The following AMPH variants were observed in gnomAD, a reference collection of about 807,000 sequenced individuals.
AMPH encodes amphiphysin (Stiff-Mann syndrome with breast cancer 128kD autoantigen).
Under a neutral mutation model 99.1 loss-of-function variants are expected in AMPH, and 49 were observed. The ratio of observed to expected loss-of-function variants is 0.49; its 90% CI spans 0.39 to 0.63. AMPH has a LOEUF of 0.63. AMPH is among the 20% of genes least tolerant of loss of function. The probability of loss-of-function intolerance (pLI) is 0.00; values close to 1 mark genes in which losing one functional copy is unlikely to be tolerated. For synonymous variants in AMPH, 314 were observed against 317.3 expected, an observed-to-expected ratio of 0.99 and a Z score of 0.11; for missense variants, 759 against 863.4, an observed-to-expected ratio of 0.88 and a Z score of 1.52.
At chr7:38,423,246 T>C (rs1199420300) in intron 15 of AMPH, among the ~76,000 whole-genome samples, 2 of 152,226 alleles carry the variant, frequency 1.3e-5, no homozygotes, top group Non-Finnish European at 2.9e-5. Flanking sequence ...TTTCATAAAA[T>C]ATGTTCATTG....
chr7:38,606,213 G>A (rs941556824), intron 1 of AMPH, among the ~76,000 whole-genome samples: 3 of 152,070 alleles, frequency 2.0e-5, no homozygotes, highest in African/African-American at 4.8e-5. Context: ...AAAAATTGTG[G>A]TGAGATTCAA....
intron 17 of AMPH, among the ~76,000 whole-genome samples, chr7:38,405,140 T>A (rs142085082): frequency 1.3e-5 from 2 of 152,222 alleles, no homozygotes; most frequent in Non-Finnish European, 1.5e-5. Context: ...AGAAATAAAG[T>A]CTTTCCCAGA....
intron 1 of AMPH, among the ~76,000 whole-genome samples, chr7:38,628,595 T>C (rs1794340384): frequency 6.6e-6 from 1 of 152,210 alleles, no homozygotes; most frequent in South Asian, 2.1e-4. Flanking sequence ...TAGAAGGATG[T>C]TCATAATTAT....
chr7:38,476,756 C>T (rs1584142326), intron 6 of AMPH, 106 bp downstream of exon 6: 1 of 726,606 alleles, frequency 1.4e-6, no homozygotes, highest in East Asian at 2.6e-5. Flanking sequence ...AAATTCTGTT[C>T]AGATTCCAAT....
intron 1 of AMPH, among the ~76,000 whole-genome samples, chr7:38,565,047 C>A (rs1791684607): frequency 6.6e-6 from 1 of 151,444 alleles, no homozygotes; most frequent in Non-Finnish European, 1.5e-5. Context: ...TGGCGTGAAC[C>A]CGGGAGGCAG....
chr7:38,432,845 G>C (rs1275572926), intron 12 of AMPH, among the ~76,000 whole-genome samples: 1 of 152,126 alleles, frequency 6.6e-6, no homozygotes, highest in East Asian at 1.9e-4. Flanking sequence ...ATACAAATTG[G>C]CAGAGCACCC....
chr7:38,407,108 GTGTGTGTA>G (rs1452619704), intron 17 of AMPH, among the ~76,000 whole-genome samples: 1 of 85,776 alleles, frequency 1.2e-5, no homozygotes, highest in African/African-American at 4.4e-5. Flanking sequence ...GTGTGTGTGT[GTGTGTGTA>G]TAAATATATA....
chr7:38,465,841 C>A (rs1787631544), intron 8 of AMPH, among the ~76,000 whole-genome samples: 2 of 152,070 alleles, frequency 1.3e-5, no homozygotes, highest in Non-Finnish European at 2.9e-5. Context: ...TGAACAACAA[C>A]AACAAAAAGC....
chr7:38,418,309 CAG>C (rs145976868), intron 16 of AMPH, among the ~76,000 whole-genome samples: 47 of 148,592 alleles, frequency 3.2e-4, no homozygotes, highest in East Asian at 3.9e-4. Context: ...GAGACAGAGA[CAG>C]AGAGAGAGAG....
At chr7:38,411,282 C>T (rs562095979) in intron 17 of AMPH, among the ~76,000 whole-genome samples, 2 of 152,328 alleles carry the variant, frequency 1.3e-5, no homozygotes, top group South Asian at 2.1e-4. Flanking sequence ...GCCTTCTTTA[C>T]TATCACCTTA....
intron 2 of AMPH, among the ~76,000 whole-genome samples, chr7:38,523,143 A>C (rs1403471430): frequency 6.6e-6 from 1 of 151,748 alleles, no homozygotes; most frequent in Admixed American, 6.6e-5. Flanking sequence ...GAGAGCCCAA[A>C]TAAAGCAGGA....
At chr7:38,405,469 A>T (rs1003169676) in intron 17 of AMPH, among the ~76,000 whole-genome samples, 5 of 152,176 alleles carry the variant, frequency 3.3e-5, no homozygotes, top group African/African-American at 1.2e-4. Flanking sequence ...TCTAACATGT[A>T]ATGACACCCA....
chr7:38,448,296 G>C (rs573064410), intron 11 of AMPH, among the ~76,000 whole-genome samples: 1 of 152,302 alleles, frequency 6.6e-6, no homozygotes, highest in African/African-American at 2.4e-5. Flanking sequence ...CATTTAAAAT[G>C]ATGTTGCCAA....
chr7:38,434,747 A>G (rs954850547), intron 12 of AMPH, among the ~76,000 whole-genome samples: 1 of 152,078 alleles, frequency 6.6e-6, no homozygotes, highest in Admixed American at 6.5e-5. Flanking sequence ...TCAAAGAAAA[A>G]AAAAAAAAAA....
intron 7 of AMPH, among the ~76,000 whole-genome samples, chr7:38,472,682 G>A (rs986814388): frequency 6.6e-6 from 1 of 152,122 alleles, no homozygotes; most frequent in Non-Finnish European, 1.5e-5. Flanking sequence ...AGAAAGGAAG[G>A]CCTAAGTCAG....
intron 7 of AMPH, among the ~76,000 whole-genome samples, chr7:38,468,365 GC>G (rs1787746332): frequency 6.6e-5 from 10 of 151,464 alleles, no homozygotes; most frequent in Admixed American, 6.6e-4. Context: ...ATATGTAATG[GC>G]ACTTCTATTA....
At chr7:38,531,105 G>A (rs957132525) in intron 2 of AMPH, 5 of 152,132 alleles carry the variant, frequency 3.3e-5, no homozygotes, top group Non-Finnish European at 5.9e-5. Context: ...CACGATCCCA[G>A]CACTGATCAG....
At chr7:38,615,105 A>T (rs7807867) in intron 1 of AMPH, among the ~76,000 whole-genome samples, 83,403 of 152,040 alleles carry the variant, frequency 0.55, 23,421 homozygotes, top group Middle Eastern at 0.59. Flanking sequence ...GATGAAAAGA[A>T]CATTGCACTG....
At chr7:38,452,646 A>G (rs1787080072) in intron 11 of AMPH, among the ~76,000 whole-genome samples, 2 of 152,246 alleles carry the variant, frequency 1.3e-5, no homozygotes, top group Admixed American at 6.5e-5. Flanking sequence ...CACTTGACTC[A>G]GCTGGGTATT....
Sources: gnomAD v4.1 joint callset for allele counts (sites outside exome capture counted in the v4.1 genomes callset) on GRCh38, gnomAD v4.1.1 for gene constraint, MANE v1.5 for transcripts, NCBI Gene and HGNC (gene_info 2026-07-23, HGNC 2026-07-21) for gene names.